NUDT17: variants seen among roughly 807,000 people sequenced by gnomAD.
NUDT17 encodes m7GpppN-mRNA hydrolase NUDT17.
In NUDT17, 38 loss-of-function variants were observed where a neutral mutation model predicts 38.6. The ratio of observed to expected loss-of-function variants is 0.98; its 90% CI spans 0.76 to 1.29. The LOEUF is 1.29. Among genes scored for constraint, NUDT17 ranks in the 50% most tolerant of loss-of-function variants. The pLI, the probability that NUDT17 is intolerant of heterozygous loss-of-function variation, is 0.00. For missense variants in NUDT17, 462 were observed against 415.2 expected (o/e 1.11, Z -0.98); for synonymous variants, 192 against 167.8 (o/e 1.14, Z -1.11).
In NUDT17 at chr1:145,846,582, C is replaced by A. The variant is rs782502702; in HGVS notation, c.403-16C>A. ...TCAGGCACTGGCCCCTCTGATGTGT[C>A]TTCTCTGACTCCCAGCTGCTGGACG... On this transcript the variant is annotated splice_polypyrimidine_tract_variant and intron_variant, in intron 3 of 7. Coordinates refer to ENST00000334513, the MANE Select transcript of NUDT17 (RefSeq NM_001012758.3). 1.2e-6 allele frequency: 2 copies of A among 1,613,008 alleles called. No individual in the cohort carries two copies. Among genetic ancestry groups the A allele is most frequent in the Non-Finnish European group, 1.7e-6 (2 of 1,178,946 alleles).
At position 145,846,413 on chromosome 1, in the gene NUDT17, T is replaced by TG; in HGVS notation, c.377-18dup. 2 of 1,613,966 alleles carry TG rather than the reference T, an allele frequency of 1.2e-6. No homozygotes were observed. Among genetic ancestry groups the TG allele is most frequent in the Non-Finnish European group, 1.7e-6 (2 of 1,179,858 alleles). On this transcript the variant is annotated intron_variant, in intron 2 of 7. Coordinates refer to ENST00000334513, the MANE Select transcript of NUDT17 (RefSeq NM_001012758.3). ...GCCAAGACCACCACCATTCACCTAC[T>TG]GGCCCCACTGTTGTTGCAGGTGGGC...
rs1553732781 is a variant in NUDT17, at chr1:145,847,275, G to C, written c.521G>C (p.Trp174Ser). 1.2e-6 allele frequency: 2 copies of C among 1,609,142 alleles called. No individual in the cohort carries two copies. The highest frequency in any genetic ancestry group is 4.5e-5 in the East Asian group (2 of 44,866). Reference protein sequence around the residue: ...WESAYPPRLSWGLPKYHHIVL... With the variant: ...WESAYPPRLSSGLPKYHHIVL... The stretch of plus-strand genomic sequence containing the variant: ...TCTGCCTACCCTCCTAGGCTGAGCT[G>C]GGGTTTACCCAAATACCATCACATT... The change falls in exon 5 of 8, where the codon TGG becomes TCG. Residue 174 changes from tryptophan to serine, a missense_variant. Physicochemically the swap from Trp to Ser is radical, Grantham distance 177 (BLOSUM62 -3). Coordinates refer to ENST00000334513, the MANE Select transcript of NUDT17 (RefSeq NM_001012758.3).
At position 145,845,805 on chromosome 1, in the gene NUDT17, A is replaced by G; in HGVS notation, c.165A>G (p.Pro55=). The change falls in exon 1 of 8, where the codon CCA becomes CCG. Residue 55 remains proline, a synonymous_variant. Coordinates refer to ENST00000334513, the MANE Select transcript of NUDT17 (RefSeq NM_001012758.3). The stretch of plus-strand genomic sequence containing the variant: ...TTGTCCTCTCGAGCAGGCCCTTCCC[A>G]GGCGCCTCCGCTAGGCTTCCGCTCC... ...GRLVLSSRPF[P]GASARLPLQR... 1 of 1,597,700 alleles carries G rather than the reference A, an allele frequency of 6.3e-7. No homozygotes were observed. Among genetic ancestry groups the G allele is most frequent in the Non-Finnish European group, 8.5e-7 (1 of 1,173,050 alleles).
At position 145,846,826 on chromosome 1, in the gene NUDT17, G is replaced by A. The variant is rs983638384; in HGVS notation, c.495+136G>A. On this transcript the variant is annotated intron_variant, in intron 4 of 7. Coordinates refer to ENST00000334513, the MANE Select transcript of NUDT17 (RefSeq NM_001012758.3). ...CACCCATGTCCCTGCTGTGTCATCT[G>A]TACCATCCACGCCCTCAGCTTTTGG... 2.4e-5 allele frequency: 17 copies of A among 712,326 alleles called. No individual in the cohort carries two copies. In the African/African-American group the frequency reaches 2.8e-4, roughly 12 times the overall value. The allele number at this position is 712,326 out of a possible 1,614,324, so 44.1% of individuals were successfully genotyped here.
intron 4 of NUDT17, 53 bp downstream of exon 4, chr1:145,846,743 T>C (rs1468368866): frequency 3.8e-5 from 48 of 1,249,502 alleles, no homozygotes; most frequent in Non-Finnish European, 5.5e-5. Context: ...CTACCTGCCT[T>C]GGCTACAAGG....
intron 5 of NUDT17, 71 bp from the exon 6 acceptor site, chr1:145,847,512 G>C: frequency 6.3e-7 from 1 of 1,583,666 alleles, no homozygotes. Context: ...GAAACCTGCG[G>C]GTAGGTTTTG....
At chr1:145,846,316 C>T (rs1258795222) in intron 2 of NUDT17, 117 bp from the exon 3 acceptor site, 2 of 1,465,384 alleles carry the variant, frequency 1.4e-6, no homozygotes, top group Admixed American at 3.6e-5. Context: ...TGTTCATAGT[C>T]ACAAGGGACT....
In NUDT17 at chr1:145,848,629, T is replaced by G; in HGVS notation, c.*150T>G. 1.6e-6 allele frequency: 1 copy of G among 634,600 alleles called. No homozygotes were observed. Among genetic ancestry groups the G allele is most frequent in the Non-Finnish European group, 2.7e-6 (1 of 367,192 alleles). The allele number at this position is 634,600 out of a possible 1,614,324, so 39.3% of individuals were successfully genotyped here. A position where few individuals can be genotyped will look rare whatever the true frequency, so the allele number is the denominator to read the frequency against. On this transcript the variant is annotated 3_prime_UTR_variant, in exon 8 of 8. Coordinates refer to ENST00000334513, the MANE Select transcript of NUDT17 (RefSeq NM_001012758.3). Reference sequence around the variant, plus strand: ...CCTTGGCGAGCCTGAAAAAGAAGATTGGGAAGGAGGGCACAGGGTCCTTCC... The same window carrying G: ...CCTTGGCGAGCCTGAAAAAGAAGATGGGGAAGGAGGGCACAGGGTCCTTCC...
chr1:145,848,758 TAG>T lies in NUDT17; in HGVS notation c.*287_*288del, dbSNP rs1212928207. 24 of 331,958 alleles carry T rather than the reference TAG, an allele frequency of 7.2e-5. No homozygotes were observed. The highest frequency in any genetic ancestry group is 2.8e-4 in the African/African-American group (13 of 46,996). The allele number at this position is 331,958 out of a possible 1,614,324, so 20.6% of individuals were successfully genotyped here. A position where few individuals can be genotyped will look rare whatever the true frequency, so the allele number is the denominator to read the frequency against. ...AACACTGTGAACTTAGATATATAAA[TAG>T]AGAGAGACCCAAGCAATAGGCCGGG... On this transcript the variant is annotated 3_prime_UTR_variant, in exon 8 of 8. Coordinates refer to ENST00000334513, the MANE Select transcript of NUDT17 (RefSeq NM_001012758.3).
intron 3 of NUDT17, 51 bp from the exon 4 acceptor site, chr1:145,846,547 C>G (rs587609686): frequency 1.2e-6 from 2 of 1,603,854 alleles, no homozygotes; most frequent in African/African-American, 2.7e-5. Flanking sequence ...AGCAAAAGGA[C>G]TTGGAAGAGT....
At chr1:145,846,381 C>A in intron 2 of NUDT17, 52 bp from the exon 3 acceptor site, 1 of 1,609,554 alleles carries the variant, frequency 6.2e-7, no homozygotes. Flanking sequence ...TGAGTGGGGG[C>A]TCCCTGGCCA....
rs782373628 is a variant in NUDT17, at chr1:145,848,242, C to T, written c.862C>T (p.Leu288Phe). ...CACTGGAACCAAGTTTGCCCTCAAG[C>T]TCTGGCTGCAACATCTGGGCAGGTA... ...VSTGTKFALK[L>F]WLQHLGRTPP... The change falls in exon 7 of 8, where the codon CTC becomes TTC. Residue 288 changes from leucine to phenylalanine, a missense_variant. Physicochemically the swap from Leu to Phe is conservative, Grantham distance 22 (BLOSUM62 0). Coordinates refer to ENST00000334513, the MANE Select transcript of NUDT17 (RefSeq NM_001012758.3). 3 of 1,614,224 alleles carry T rather than the reference C, an allele frequency of 1.9e-6. No homozygotes were observed. In the South Asian group the frequency reaches 3.3e-5, roughly 18 times the overall value.
At chr1:145,847,385 G>T in intron 5 of NUDT17, 37 bp downstream of exon 5, 1 of 1,502,958 alleles carries the variant, frequency 6.7e-7, no homozygotes, top group South Asian at 1.2e-5. Flanking sequence ...CAGGGCTCAG[G>T]GGAGCCCAAG....
In NUDT17 at chr1:145,847,320, TCTC is replaced by T; in HGVS notation, c.568_570del (p.Ser190del). ...CACATTGTTCTGTATCTACTCGTGA[TCTC>T]CCAGGAATCACAGCAGCAGTTGCAG... On this transcript the variant is annotated inframe_deletion, in exon 5 of 8. Transcript: ENST00000334513. The T allele has an allele frequency of 6.2e-7, 1 of 1,611,102 alleles. No individual in the cohort carries two copies. Among genetic ancestry groups the T allele is most frequent in the Non-Finnish European group, 8.5e-7 (1 of 1,178,832 alleles).
At position 145,848,627 on chromosome 1, in the gene NUDT17, A is replaced by G; in HGVS notation, c.*148A>G. On this transcript the variant is annotated 3_prime_UTR_variant, in exon 8 of 8. Transcript: ENST00000334513. Reference sequence around the variant, plus strand: ...GGCCTTGGCGAGCCTGAAAAAGAAGATTGGGAAGGAGGGCACAGGGTCCTT... The same window carrying G: ...GGCCTTGGCGAGCCTGAAAAAGAAGGTTGGGAAGGAGGGCACAGGGTCCTT... 1 of 639,744 alleles carries G rather than the reference A, an allele frequency of 1.6e-6. No individual in the cohort carries two copies. Among genetic ancestry groups the G allele is most frequent in the Non-Finnish European group, 2.7e-6 (1 of 371,194 alleles). The allele number at this position is 639,744 out of a possible 1,614,324, so 39.6% of individuals were successfully genotyped here.
rs1358643319 is a variant in NUDT17 at position 145,848,768 on chromosome 1, C to A, written c.*289C>A. The A allele has an allele frequency of 3.6e-5, 11 of 305,034 alleles. No homozygotes were observed. The East Asian group carries it at 6.4e-4, about 18-fold the overall frequency. The allele number at this position is 305,034 out of a possible 1,614,324, so 18.9% of individuals were successfully genotyped here. A position where few individuals can be genotyped will look rare whatever the true frequency, so the allele number is the denominator to read the frequency against. On this transcript the variant is annotated 3_prime_UTR_variant, in exon 8 of 8. Transcript: ENST00000334513. The stretch of plus-strand genomic sequence containing the variant: ...ACTTAGATATATAAATAGAGAGAGA[C>A]CCAAGCAATAGGCCGGGCCTGACTC...
chr1:145,847,818 G>C (rs1226072530), intron 6 of NUDT17, 99 bp downstream of exon 6: 5 of 1,326,402 alleles, frequency 3.8e-6, no homozygotes, highest in Non-Finnish European at 5.3e-6. Flanking sequence ...TTGTGTTGTG[G>C]GGGAGATTTA....
At position 145,846,052 on chromosome 1, in the gene NUDT17, C is replaced by T. The variant is rs988324956; in HGVS notation, c.232C>T (p.Pro78Ser). The change falls in exon 2 of 8, where the codon CCC becomes TCC. Residue 78 changes from proline (P) to serine (S), a missense_variant. Pro to Ser is a moderately conservative substitution (Grantham distance 74, BLOSUM62 -1). Coordinates refer to ENST00000334513, the MANE Select transcript of NUDT17 (RefSeq NM_001012758.3). ...FCPFAALEER[P>S]RVPGAELPTD... ...CCCTTTTGCGGCCCTGGAGGAGCGG[C>T]CCAGGGTCCCTGGGGCTGAGCTGCC... 43 of 1,605,030 alleles carry T rather than the reference C, an allele frequency of 2.7e-5. No individual in the cohort carries two copies. The highest frequency in any genetic ancestry group is 3.6e-5 in the Non-Finnish European group (42 of 1,176,674).
chr1:145,846,737 C>G, intron 4 of NUDT17, 47 bp downstream of exon 4: 1 of 1,293,500 alleles, frequency 7.7e-7, no homozygotes, highest in Non-Finnish European at 1.1e-6. Context: ...CAGCCCCTAC[C>G]TGCCTTGGCT....
Sources: gnomAD v4.1 joint callset for allele counts on GRCh38, gnomAD v4.1.1 for gene constraint, MANE v1.5 for transcripts, NCBI Gene and HGNC (gene_info 2026-07-23, HGNC 2026-07-21) for gene names.